Variants in OLFM3 observed in about 807,000 individuals in gnomAD.
OLFM3 encodes noelin-3.
Under a neutral mutation model 48.6 loss-of-function variants are expected in OLFM3, and 20 were observed. The ratio of observed to expected loss-of-function variants is 0.41; its 90% CI spans 0.29 to 0.60. The LOEUF is 0.60. OLFM3 is among the 20% of genes least tolerant of loss of function. The pLI is 0.28. For missense variants in OLFM3, 437 were observed against 544.3 expected (o/e 0.80, Z 1.96); for synonymous variants, 222 against 198.1 (o/e 1.12, Z -1.01).
At chr1:101,902,702 C>A (rs1658427288) in intron 1 of OLFM3, among the ~76,000 whole-genome samples, 1 of 152,066 alleles carries the variant, frequency 6.6e-6, no homozygotes, top group African/African-American at 2.4e-5. Context: ...TTAAAAATAG[C>A]TACTATTTGT....
chr1:101,882,565 A>T (rs1229914315), intron 1 of OLFM3: 1 of 151,822 alleles, frequency 6.6e-6, no homozygotes, highest in East Asian at 1.9e-4. Flanking sequence ...AACTCCTGGA[A>T]TCTGGAGAAC....
At chr1:101,855,867 A>G (rs1656390436) in intron 1 of OLFM3, among the ~76,000 whole-genome samples, 1 of 152,068 alleles carries the variant, frequency 6.6e-6, no homozygotes, top group Non-Finnish European at 1.5e-5. Flanking sequence ...AGACTGTTTC[A>G]GTGGTTGTGT....
chr1:101,919,256 C>T (rs1035127701), intron 1 of OLFM3, among the ~76,000 whole-genome samples: 2 of 151,688 alleles, frequency 1.3e-5, no homozygotes, highest in African/African-American at 4.8e-5. Context: ...TTTCACATAT[C>T]CCTCTATTAT....
chr1:101,932,380 C>T (rs1046598967), intron 1 of OLFM3, among the ~76,000 whole-genome samples: 5 of 152,160 alleles, frequency 3.3e-5, no homozygotes, highest in Admixed American at 6.5e-5. Context: ...CAATAGACCA[C>T]GACATTGGGA....
At chr1:101,975,123 A>G (rs2101101270) in intron 1 of OLFM3, among the ~76,000 whole-genome samples, 1 of 152,316 alleles carries the variant, frequency 6.6e-6, no homozygotes, top group Middle Eastern at 3.4e-3. Flanking sequence ...CAGGAAGCAA[A>G]TTATTTCAAT....
intron 1 of OLFM3, among the ~76,000 whole-genome samples, chr1:101,884,029 T>C (rs993588037): frequency 2.0e-5 from 3 of 151,898 alleles, no homozygotes; most frequent in African/African-American, 7.2e-5. Flanking sequence ...TAGGTTTATT[T>C]ATCAACATTT....
Position 101,969,076 on chromosome 1 carries a change from G to T in OLFM3, c.69+27672C>A, listed in dbSNP as rs140409304. On this transcript the variant is annotated intron_variant, in intron 1 of 5. Coordinates refer to ENST00000370103, the MANE Select transcript of OLFM3 (RefSeq NM_058170.4). The stretch of plus-strand genomic sequence containing the variant: ...TAGTGACCCAGAGTGAACAGCCTTT[G>T]CATGGCAGGGCTATTTGTCTTATTA... 8.6e-3 allele frequency among the ~76,000 whole-genome samples: 1,306 copies of T among 152,272 alleles called. 7 individuals carry two copies. The highest frequency in any genetic ancestry group is 0.014 in the Middle Eastern group (4 of 294).
chr1:101,928,772 C>T (rs1454492576), intron 1 of OLFM3, among the ~76,000 whole-genome samples: 1 of 152,034 alleles, frequency 6.6e-6, no homozygotes, highest in African/African-American at 2.4e-5. Context: ...TTTCTAAAAA[C>T]CTTTTAAGTT....
intron 1 of OLFM3, among the ~76,000 whole-genome samples, chr1:101,867,930 A>T (rs2100972116): frequency 6.6e-6 from 1 of 152,248 alleles, no homozygotes; most frequent in African/African-American, 2.4e-5. Context: ...AAGTTCTCAC[A>T]AGATCTGATG....
At chr1:101,993,953 G>GAAAA (rs11394644) in intron 1 of OLFM3, among the ~76,000 whole-genome samples, 1 of 115,368 alleles carries the variant, frequency 8.7e-6, no homozygotes, top group Non-Finnish European at 1.9e-5. Context: ...TTCAGCGACA[G>GAAAA]AAAAAAAAAA....
intron 1 of OLFM3, among the ~76,000 whole-genome samples, chr1:101,935,641 C>T (rs1435633191): frequency 6.6e-6 from 1 of 152,074 alleles, no homozygotes; most frequent in African/African-American, 2.4e-5. Flanking sequence ...CAGCATCATC[C>T]TGATACCAAA....
intron 1 of OLFM3, among the ~76,000 whole-genome samples, chr1:101,878,020 A>G (rs1271946656): frequency 6.6e-6 from 1 of 151,654 alleles, no homozygotes; most frequent in Non-Finnish European, 1.5e-5. Flanking sequence ...TCAGGAGCAT[A>G]CTCTTGAGGC....
intron 3 of OLFM3, among the ~76,000 whole-genome samples, chr1:101,826,098 T>C (rs1044927857): frequency 2.0e-5 from 3 of 148,938 alleles, no homozygotes; most frequent in Admixed American, 1.3e-4. Flanking sequence ...TTACACAGAG[T>C]TGTTTGAAAC....
chr1:101,964,172 G>C (rs186741679), intron 1 of OLFM3, among the ~76,000 whole-genome samples: 1 of 152,252 alleles, frequency 6.6e-6, no homozygotes, highest in African/African-American at 2.4e-5. Flanking sequence ...GGTGATGGTG[G>C]TTGTATATGT....
At chr1:101,885,369 T>C (rs961817862) in intron 1 of OLFM3, among the ~76,000 whole-genome samples, 5 of 152,038 alleles carry the variant, frequency 3.3e-5, no homozygotes, top group East Asian at 1.9e-4. Context: ...GTCCCTTCTA[T>C]GATACGAGCA....
At chr1:101,865,422 T>C (rs549493174) in intron 1 of OLFM3, among the ~76,000 whole-genome samples, 2 of 151,552 alleles carry the variant, frequency 1.3e-5, no homozygotes, top group African/African-American at 2.4e-5. Flanking sequence ...AAACCCAGAG[T>C]AGAATTCAAT....
chr1:101,967,386 C>T (rs1204687277), intron 1 of OLFM3, among the ~76,000 whole-genome samples: 3 of 151,524 alleles, frequency 2.0e-5, no homozygotes, highest in Non-Finnish European at 2.9e-5. Context: ...GTCTAAGCTG[C>T]TGTAGCAAAA....
chr1:101,912,854 C>T (rs7512170), intron 1 of OLFM3, among the ~76,000 whole-genome samples: 16,331 of 152,060 alleles, frequency 0.11, 1,503 homozygotes, highest in East Asian at 0.36. Flanking sequence ...TAGTTGTCAG[C>T]TGTTTGAGAG....
intron 1 of OLFM3, among the ~76,000 whole-genome samples, chr1:101,988,725 G>T (rs960220850): frequency 6.6e-6 from 1 of 152,022 alleles, no homozygotes; most frequent in African/African-American, 2.4e-5. Context: ...AGATAGGAAA[G>T]AATAGGATAG....
Sources: gnomAD v4.1 joint callset for allele counts (sites outside exome capture counted in the v4.1 genomes callset) on GRCh38, gnomAD v4.1.1 for gene constraint, MANE v1.5 for transcripts, NCBI Gene and HGNC (gene_info 2026-07-23, HGNC 2026-07-21) for gene names.